The following ARHGEF11 variants were observed in gnomAD, a reference collection of about 807,000 sequenced individuals.
ARHGEF11 encodes the protein Rho guanine nucleotide exchange factor 11.
A neutral mutation model predicts 193.7 loss-of-function variants in ARHGEF11; 55 were observed. That is an observed-to-expected ratio of 0.28 (90% CI 0.23 to 0.36). ARHGEF11 has a LOEUF of 0.36. Ranked by LOEUF, ARHGEF11 falls within the 10% of genes least tolerant of loss-of-function variation. The probability of loss-of-function intolerance (pLI) is 1.00; values close to 1 mark genes in which losing one functional copy is unlikely to be tolerated. For synonymous variants in ARHGEF11, 693 were observed against 768.0 expected (o/e 0.90, Z 1.62); for missense variants, 1,723 against 2,005.6 (o/e 0.86, Z 2.69).
At position 156,937,794 on chromosome 1, in the gene ARHGEF11, C is replaced by T. The variant is rs1390703935; in HGVS notation, c.4193-298G>A. On this transcript the variant is annotated intron_variant, in intron 38 of 40. Transcript: ENST00000368194. ...CATTTGGGGAAATTGGAGTGGCTCC[C>T]CCTCCTTGAGTAAACAGATTGTGAG... Among the ~76,000 whole-genome samples, 16 of 152,346 alleles carry T rather than the reference C, an allele frequency of 1.1e-4. No individual in the cohort carries two copies. The South Asian group carries it at 3.3e-3, about 32-fold the overall frequency.
intron 1 of ARHGEF11, among the ~76,000 whole-genome samples, chr1:157,014,122 C>T (rs916818997): frequency 6.6e-6 from 1 of 152,206 alleles, no homozygotes; most frequent in Non-Finnish European, 1.5e-5. Flanking sequence ...ACCTTTTCCA[C>T]CACAACGCTA....
rs1161425139 is a variant in ARHGEF11 at position 156,968,275 on chromosome 1, T to C, written c.826-151A>G. On this transcript the variant is annotated intron_variant, in intron 10 of 40. Transcript: ENST00000368194. The stretch of plus-strand genomic sequence containing the variant: ...TGTGCCTGGTATTATACTAAGCCCT[T>C]CATTACACATTATCTCATTCGATTC... 9 of 805,338 alleles carry C rather than the reference T, an allele frequency of 1.1e-5. No individual in the cohort carries two copies. In the East Asian group the frequency reaches 2.5e-4, roughly 22 times the overall value. 49.9% of individuals were successfully genotyped at this position (805,338 alleles called of 1,614,324 possible).
chr1:157,017,240 T>C (rs1669359496), intron 1 of ARHGEF11, among the ~76,000 whole-genome samples: 1 of 152,220 alleles, frequency 6.6e-6, no homozygotes. Flanking sequence ...ATCATCTCAC[T>C]GCCCAGATTC....
At position 156,971,678 on chromosome 1, in the gene ARHGEF11, C is replaced by T. The variant is rs1450906598; in HGVS notation, c.702+19G>A. ...TCTACTGCATGTGCCCTTACTAGAG[C>T]TGTGCCTACATCACTCACCACTGAG... is the stretch of plus-strand genomic sequence containing the variant. On this transcript the variant is annotated intron_variant, in intron 8 of 40. Transcript: ENST00000368194. 1.2e-6 allele frequency: 2 copies of T among 1,611,478 alleles called. No individual in the cohort carries two copies. The highest frequency in any genetic ancestry group is 1.3e-5 in the African/African-American group (1 of 74,890).
chr1:157,023,899 C>T (rs933991348), intron 1 of ARHGEF11, among the ~76,000 whole-genome samples: 2 of 152,008 alleles, frequency 1.3e-5, no homozygotes, highest in African/African-American at 4.8e-5. Context: ...ACATGCTAAA[C>T]ACAGAGCTAA....
intron 1 of ARHGEF11, among the ~76,000 whole-genome samples, chr1:157,035,952 TATATATATATGAATCTATATATAGGA>T (rs1671931070): frequency 3.2e-5 from 2 of 61,930 alleles, no homozygotes; most frequent in Non-Finnish European, 4.4e-5. Flanking sequence ...TATATAGGAA[TATATATATATGAATCTATATATAGGA>T]ATATATATAT....
In ARHGEF11 at chr1:156,963,194, C is replaced by T. The variant is rs769729995; in HGVS notation, c.1140+9G>A. 2.5e-6 allele frequency: 4 copies of T among 1,608,630 alleles called. No homozygotes were observed. Among genetic ancestry groups the T allele is most frequent in the Non-Finnish European group, 3.4e-6 (4 of 1,175,254 alleles). On this transcript the variant is annotated intron_variant, in intron 13 of 40. Transcript: ENST00000368194. ...AGGCACTCAATCAAGACAGATGATT[C>T]TGACTTACCAGTGGACTGGGGTCCG...
chr1:156,949,324 C>T (rs1421994799), intron 22 of ARHGEF11, among the ~76,000 whole-genome samples: 1 of 152,148 alleles, frequency 6.6e-6, no homozygotes, highest in Non-Finnish European at 1.5e-5. Context: ...GCACCTCTGA[C>T]CCCTAGCTGC....
At chr1:156,964,274 A>G (rs972798994) in intron 11 of ARHGEF11, among the ~76,000 whole-genome samples, 8 of 152,214 alleles carry the variant, frequency 5.3e-5, no homozygotes, top group Non-Finnish European at 5.9e-5. Context: ...CCTAATCTTA[A>G]TGGACATGCC....
At position 156,941,943 on chromosome 1, in the gene ARHGEF11, G is replaced by C. The variant is rs1157036770; in HGVS notation, c.3373C>G (p.Pro1125Ala). 6.2e-7 allele frequency: 1 copy of C among 1,614,094 alleles called. No homozygotes were observed. Among genetic ancestry groups the C allele is most frequent in the Admixed American group, 1.7e-5 (1 of 60,020 alleles). ...EEAVRNATRH[P>A]GAAPMPVHPP... Reference sequence around the variant, plus strand: ...TGGACGGGCATTGGGGCAGCTCCGGGGTGCCTGGTGGCATTCCGCACGGCC... The same window carrying C: ...TGGACGGGCATTGGGGCAGCTCCGGCGTGCCTGGTGGCATTCCGCACGGCC... Residue 1125 changes from proline (P) to alanine (A), a missense_variant, in exon 34 of 41, where the codon CCC becomes GCC. Coordinates refer to ENST00000368194, the MANE Select transcript of ARHGEF11 (RefSeq NM_198236.3).
At chr1:156,988,096 A>AT (rs1665190451) in intron 1 of ARHGEF11, among the ~76,000 whole-genome samples, 1 of 152,210 alleles carries the variant, frequency 6.6e-6, no homozygotes, top group Non-Finnish European at 1.5e-5. Context: ...ATAATGCCTG[A>AT]TGCCCGGGGA....
chr1:156,944,270 C>A, intron 31 of ARHGEF11, 88 bp downstream of exon 31: 2 of 1,491,674 alleles, frequency 1.3e-6, no homozygotes, highest in South Asian at 2.4e-5. Flanking sequence ...CACCTCCAGT[C>A]ATGTTTCCAT....
In ARHGEF11 at chr1:156,937,332, A is replaced by T; in HGVS notation, c.4357T>A (p.Ser1453Thr). ...TCCCTGAGGGCCAGGCTTGGAGGAGAGCGGCTGGGGCGTCTTGGATCATCG... is the reference window on the plus strand; with the variant it reads ...TCCCTGAGGGCCAGGCTTGGAGGAGTGCGGCTGGGGCGTCTTGGATCATCG... ...GNDDPRRPSR[S>T]PPSLALRDVG... Residue 1453 changes from serine (S) to threonine (T), a missense_variant, in exon 39 of 41, where the codon TCT (serine) becomes ACT (threonine). Transcript: ENST00000368194. The T allele has an allele frequency of 6.2e-7, 1 of 1,613,530 alleles. No homozygotes were observed. Among genetic ancestry groups the T allele is most frequent in the South Asian group, 1.1e-5 (1 of 91,020 alleles).
chr1:156,961,838 G>T, intron 13 of ARHGEF11, 63 bp from the exon 14 acceptor site: 1 of 1,452,310 alleles, frequency 6.9e-7, no homozygotes, highest in African/African-American at 1.4e-5. Flanking sequence ...TTGCCCCCTA[G>T]GGGACGTTTG....
intron 1 of ARHGEF11, among the ~76,000 whole-genome samples, chr1:157,018,505 C>T (rs997457830): frequency 5.0e-4 from 76 of 151,986 alleles, no homozygotes; most frequent in African/African-American, 1.6e-3. Flanking sequence ...ATTAGCTGGG[C>T]GTGGTGTCGG....
At chr1:157,001,101 T>C (rs899780108) in intron 1 of ARHGEF11, among the ~76,000 whole-genome samples, 1 of 152,216 alleles carries the variant, frequency 6.6e-6, no homozygotes, top group Admixed American at 6.5e-5. Context: ...TTACATCTCC[T>C]GGCCCTTAAG....
intron 1 of ARHGEF11, among the ~76,000 whole-genome samples, chr1:157,043,272 G>A (rs914456973): frequency 6.6e-6 from 1 of 152,062 alleles, no homozygotes; most frequent in Non-Finnish European, 1.5e-5. Flanking sequence ...CCTTTCATTT[G>A]CTTGTTCAGT....
rs1315203216 is a variant in ARHGEF11, at chr1:156,961,718, A to G, written c.1198T>C (p.Leu400=). The G allele has an allele frequency of 3.7e-6, 6 of 1,614,080 alleles. No homozygotes were observed. Among genetic ancestry groups the G allele is most frequent in the Non-Finnish European group, 5.1e-6 (6 of 1,180,044 alleles). ...QQASPKDSRS[L]GKDIWNIFLE... The stretch of plus-strand genomic sequence containing the variant: ...AAAATATTCCAGATGTCTTTCCCCA[A>G]GCTTCGGGAATCCTTGGGGCTTGCC... The change falls in exon 14 of 41, where the codon TTG becomes CTG. Residue 400 remains leucine, a synonymous_variant. Transcript: ENST00000368194.
intron 1 of ARHGEF11, among the ~76,000 whole-genome samples, chr1:157,040,288 C>T (rs1045107449): frequency 2.0e-5 from 3 of 152,200 alleles, no homozygotes; most frequent in Non-Finnish European, 4.4e-5. Flanking sequence ...GGGAGGCCAA[C>T]CTTCTAATCT....
Sources: gnomAD v4.1 joint callset for allele counts (sites outside exome capture counted in the v4.1 genomes callset) on GRCh38, gnomAD v4.1.1 for gene constraint, MANE v1.5 for transcripts, NCBI Gene and HGNC (gene_info 2026-07-23, HGNC 2026-07-21) for gene names.